The following RBFOX3 variants were observed in gnomAD, a reference collection of about 807,000 sequenced individuals.
The protein encoded by RBFOX3 is RNA binding protein fox-1 homolog 3.
A neutral mutation model predicts 48.7 loss-of-function variants in RBFOX3; 17 were observed. That is an observed-to-expected ratio of 0.35 (90% confidence interval 0.24 to 0.52). RBFOX3 has a LOEUF of 0.52. Ranked by LOEUF, RBFOX3 falls within the 20% of genes least tolerant of loss-of-function variation. The probability of loss-of-function intolerance (pLI) is 0.94; values close to 1 mark genes in which losing one functional copy is unlikely to be tolerated. For missense variants in RBFOX3, 382 were observed against 497.5 expected (o/e 0.77, Z 2.21); for synonymous variants, 212 against 209.5 (o/e 1.01, Z -0.10).
Position 79,482,440 on chromosome 17 carries a change from T to C in RBFOX3, c.-175+14A>G, listed in dbSNP as rs997709362. 1.3e-5 allele frequency: 2 copies of C among 152,068 alleles called. No individual in the cohort carries two copies. Among genetic ancestry groups the C allele is most frequent in the African/African-American group, 4.8e-5 (2 of 41,386 alleles). 9.4% of individuals were successfully genotyped at this position (152,068 alleles called of 1,614,324 possible). On this transcript the variant is annotated intron_variant, in intron 2 of 14. Coordinates refer to ENST00000693108, the MANE Select transcript of RBFOX3 (RefSeq NM_001350451.2). The surrounding 1 kb of genome is among the most constrained non-coding windows in gnomAD (Gnocchi z 4.1). ...TCTGGGGATGGGCATGGCGGACAGGTGGGGCCGCCTTACCTGGTAGTGGGA... is the reference window on the plus strand; with the variant it reads ...TCTGGGGATGGGCATGGCGGACAGGCGGGGCCGCCTTACCTGGTAGTGGGA...
At chr17:79,228,361 T>C (rs944191767) in intron 4 of RBFOX3, among the ~76,000 whole-genome samples, 2 of 152,090 alleles carry the variant, frequency 1.3e-5, no homozygotes, top group African/African-American at 4.8e-5. Context: ...GAGAAATTAC[T>C]CTGCCCAAGC....
chr17:79,250,718 C>T (rs2148253191), intron 3 of RBFOX3, among the ~76,000 whole-genome samples: 1 of 152,290 alleles, frequency 6.6e-6, no homozygotes, highest in East Asian at 1.9e-4. Context: ...TCGGCAGCCA[C>T]CCCTGTGCTT....
chr17:79,645,382 C>T, the RBFOX3 span, among the ~76,000 whole-genome samples: 1 of 151,996 alleles, frequency 6.6e-6, no homozygotes, highest in Non-Finnish European at 1.5e-5. Context: ...ATGCCAAGCA[C>T]ACTTTGGCCA....
intron 2 of RBFOX3, among the ~76,000 whole-genome samples, chr17:79,464,786 C>T (rs1490357474): frequency 2.0e-5 from 3 of 152,254 alleles, no homozygotes; most frequent in Non-Finnish European, 4.4e-5. Flanking sequence ...TCCGCGGCCC[C>T]GAGGACAGCT....
At chr17:79,167,527 G>A (rs2145586506) in intron 4 of RBFOX3, among the ~76,000 whole-genome samples, 1 of 152,228 alleles carries the variant, frequency 6.6e-6, no homozygotes, top group East Asian at 1.9e-4. Flanking sequence ...GTCCTTTCCT[G>A]GCCATCACAG....
intron 2 of RBFOX3, among the ~76,000 whole-genome samples, chr17:79,342,472 G>C (rs2082255657): frequency 6.6e-6 from 1 of 152,212 alleles, no homozygotes; most frequent in African/African-American, 2.4e-5. Flanking sequence ...CAGGAGAAGT[G>C]AGGTGAGCAC....
At position 79,514,259 on chromosome 17, in the gene RBFOX3, C is replaced by T. The variant is rs989263896; in HGVS notation, c.-319-31661G>A. On this transcript the variant is annotated intron_variant, in intron 1 of 14. Coordinates refer to ENST00000693108, the MANE Select transcript of RBFOX3 (RefSeq NM_001350451.2). ...CAGGCACCCCCTCACCCCACCCTTC[C>T]CAACAGCATGCACCTCTGCAGTGGG... 2.8e-3 allele frequency among the ~76,000 whole-genome samples: 424 copies of T among 152,344 alleles called. 3 individuals are homozygous for T. Among genetic ancestry groups the T allele is most frequent in the African/African-American group, 9.4e-3 (392 of 41,574 alleles).
At chr17:79,422,438 C>T (rs906559668) in intron 2 of RBFOX3, among the ~76,000 whole-genome samples, 3 of 151,962 alleles carry the variant, frequency 2.0e-5, no homozygotes, top group Non-Finnish European at 4.4e-5. Context: ...CCAGGAAGCC[C>T]AGGGGGTCAC....
intron 4 of RBFOX3, among the ~76,000 whole-genome samples, chr17:79,143,059 ATC>A (rs1166866121): frequency 6.6e-6 from 1 of 152,128 alleles, no homozygotes; most frequent in African/African-American, 2.4e-5. Context: ...TCTGCTTCCC[ATC>A]TGTAAAGGGG....
chr17:79,577,972 C>T (rs2092919260), intron 1 of RBFOX3, among the ~76,000 whole-genome samples: 2 of 152,206 alleles, frequency 1.3e-5, no homozygotes, highest in African/African-American at 4.8e-5. Flanking sequence ...TGGCAGTGCC[C>T]ACAGGCTCCT....
chr17:79,150,847 C>T lies in RBFOX3; in HGVS notation c.-33-35099G>A, dbSNP rs115537638. On this transcript the variant is annotated intron_variant, in intron 4 of 14. Transcript: ENST00000693108. ...GGGCCTCAGGGGGGTCACCTCAGCTCGAGCCTCAGTGTCCCCGTGTGCGCA... is the reference window on the plus strand; with the variant it reads ...GGGCCTCAGGGGGGTCACCTCAGCTTGAGCCTCAGTGTCCCCGTGTGCGCA... 5.5e-3 allele frequency among the ~76,000 whole-genome samples: 838 copies of T among 152,304 alleles called. 10 individuals carry two copies. Among genetic ancestry groups the T allele is most frequent in the African/African-American group, 0.018 (760 of 41,570 alleles).
chr17:79,608,534 C>A (rs2093889817), intron 1 of RBFOX3, among the ~76,000 whole-genome samples: 1 of 152,202 alleles, frequency 6.6e-6, no homozygotes, highest in South Asian at 2.1e-4. Context: ...AAACCCCGGC[C>A]GTGCAAGCGC....
chr17:79,427,003 C>A (rs993269625), intron 2 of RBFOX3, among the ~76,000 whole-genome samples: 1 of 152,182 alleles, frequency 6.6e-6, no homozygotes, highest in Non-Finnish European at 1.5e-5. Flanking sequence ...CACACCCAGC[C>A]CCGGAGTCCC....
intron 3 of RBFOX3, chr17:79,298,172 G>A (rs370138169): frequency 2.0e-5 from 3 of 152,190 alleles, no homozygotes; most frequent in East Asian, 3.9e-4. Context: ...GCACTCCATC[G>A]AGCAACACCC....
At chr17:79,299,000 G>T (rs1341549498) in intron 3 of RBFOX3, among the ~76,000 whole-genome samples, 1 of 152,208 alleles carries the variant, frequency 6.6e-6, no homozygotes, top group Non-Finnish European at 1.5e-5. Flanking sequence ...AGGCTGGGAG[G>T]CGGGAGGGCG....
chr17:79,141,027 C>T (rs549707798), intron 4 of RBFOX3, among the ~76,000 whole-genome samples: 80 of 152,288 alleles, frequency 5.3e-4, no homozygotes, highest in African/African-American at 1.8e-3. Flanking sequence ...TGAGCACTCT[C>T]TGGGGACAAA....
intron 4 of RBFOX3, among the ~76,000 whole-genome samples, chr17:79,168,374 T>C (rs1000134233): frequency 1.3e-5 from 2 of 152,278 alleles, no homozygotes; most frequent in Non-Finnish European, 2.9e-5. Flanking sequence ...AAATTGTGAA[T>C]TGACCAAATG....
chr17:79,125,246 C>A (rs1260672757), intron 4 of RBFOX3, among the ~76,000 whole-genome samples: 3 of 152,196 alleles, frequency 2.0e-5, no homozygotes, highest in Non-Finnish European at 4.4e-5. Flanking sequence ...GCCACAGGGC[C>A]TCGCCTGGGC....
In RBFOX3 at chr17:79,516,896, G is replaced by A. The variant is rs947207834; in HGVS notation, c.-319-34298C>T. Among the ~76,000 whole-genome samples the A allele has an allele frequency of 9.2e-5, 14 of 152,188 alleles. No individual in the cohort carries two copies. The East Asian group carries it at 2.7e-3, about 30-fold the overall frequency. ...AGCCAGACACAAAAGGTCGGATGTC[G>A]TACAATCCACAGTCCACCCCTCGGG... On this transcript the variant is annotated intron_variant, in intron 1 of 14. Coordinates refer to ENST00000693108, the MANE Select transcript of RBFOX3 (RefSeq NM_001350451.2).
Sources: gnomAD v4.1 joint callset for allele counts (sites outside exome capture counted in the v4.1 genomes callset) on GRCh38, gnomAD v4.1.1 for gene constraint, Gnocchi (gnomAD v3.1) non-coding constraint, MANE v1.5 for transcripts, NCBI Gene and HGNC (gene_info 2026-07-23, HGNC 2026-07-21) for gene names.